TNRC6B: variants seen among roughly 807,000 people sequenced by gnomAD.
TNRC6B encodes the protein trinucleotide repeat containing adaptor 6B, also known as trinucleotide repeat-containing gene 6B protein.
TNRC6B carries 52 observed loss-of-function variants against 203.6 expected under a neutral mutation model. The observed-to-expected ratio is 0.26, with a 90% CI of 0.20 to 0.32. The LOEUF (loss-of-function observed/expected upper bound fraction) is 0.32. Among genes scored for constraint, TNRC6B ranks in the 10% least tolerant of loss-of-function variants. The pLI is 1.00. For synonymous variants in TNRC6B, 838 were observed against 845.7 expected, an observed-to-expected ratio of 0.99 and a Z score of 0.16; for missense variants, 1,923 against 2,286.2, an observed-to-expected ratio of 0.84 and a Z score of 3.24.
chr22:40,217,368 A>G lies in TNRC6B; in HGVS notation c.6-28647A>G, dbSNP rs564208739. ...GTGTAGCCCAGTTTCTTTTCCCATA[A>G]GTATGACCCCAAGCAAGTGAGTGGC... On this transcript the variant is annotated intron_variant, in intron 1 of 22. Transcript: ENST00000454349. 8.3e-4 allele frequency among the ~76,000 whole-genome samples: 126 copies of G among 152,272 alleles called. 1 individual carries two copies. Among genetic ancestry groups the G allele is most frequent in the African/African-American group, 2.8e-3 (116 of 41,536 alleles).
intron 4 of TNRC6B, among the ~76,000 whole-genome samples, chr22:40,162,058 T>C (rs901659751): frequency 2.6e-5 from 4 of 152,178 alleles, no homozygotes; most frequent in Admixed American, 6.6e-5. Flanking sequence ...TCTAAAGGTT[T>C]GTGGGAAGAT....
In TNRC6B at chr22:40,321,242, T is replaced by C. The variant is rs150142274; in HGVS notation, c.5114+13T>C. 6 of 1,612,708 alleles carry C rather than the reference T, an allele frequency of 3.7e-6. No homozygotes were observed. Among genetic ancestry groups the C allele is most frequent in the Non-Finnish European group, 5.1e-6 (6 of 1,179,282 alleles). On this transcript the variant is annotated intron_variant, in intron 22 of 22. Coordinates refer to ENST00000454349, the MANE Select transcript of TNRC6B (RefSeq NM_001162501.2). The stretch of plus-strand genomic sequence containing the variant: ...CTGCACTGCACATGTGAGTATTCGG[T>C]CCTACACCCACGTAGACAAACATGC...
At position 40,315,413 on chromosome 22, in the gene TNRC6B, T is replaced by C; in HGVS notation, c.4809T>C (p.Pro1603=). 1.9e-6 allele frequency: 3 copies of C among 1,613,948 alleles called. No individual in the cohort carries two copies. The highest frequency in any genetic ancestry group is 2.5e-6 in the Non-Finnish European group (3 of 1,179,870). The change falls in exon 20 of 23, where the codon CCT becomes CCC. Residue 1603 remains proline (P), a synonymous_variant. Transcript: ENST00000454349. ...CTACACCGCTGCCCCGCCCACCTCC[T>C]GGTCTGACCAACCCCAAACCATCAT... The part of the protein sequence containing the change: ...RNTTPLPRPP[P]GLTNPKPSSP...
At chr22:40,054,473 A>C (rs531037817) in intron 1 of TNRC6B, among the ~76,000 whole-genome samples, 1 of 152,246 alleles carries the variant, frequency 6.6e-6, no homozygotes, top group East Asian at 1.9e-4. Context: ...ACCTTAGTTA[A>C]TGCCTCTTCA....
intron 2 of TNRC6B, among the ~76,000 whole-genome samples, chr22:40,122,724 G>A (rs1397638184): frequency 1.3e-5 from 2 of 152,158 alleles, no homozygotes; most frequent in African/African-American, 4.8e-5. Context: ...GAGATCACTG[G>A]GGATCGGACC....
At chr22:40,260,108 T>A (rs1477821063) in intron 3 of TNRC6B, among the ~76,000 whole-genome samples, 1 of 152,168 alleles carries the variant, frequency 6.6e-6, no homozygotes, top group Non-Finnish European at 1.5e-5. Flanking sequence ...GGGCCATTTT[T>A]AAAATTAAGT....
chr22:40,262,116 C>A lies in TNRC6B; in HGVS notation c.400C>A (p.Pro134Thr). The A allele has an allele frequency of 6.6e-7, 1 of 1,510,220 alleles. No individual in the cohort carries two copies. The allele number at this position is 1,510,220 out of a possible 1,614,324, so 93.6% of individuals were successfully genotyped here. A position where few individuals can be genotyped will look rare whatever the true frequency, so the allele number is the denominator to read the frequency against. The change falls in exon 4 of 23, where the codon CCA (proline) becomes ACA (threonine). Residue 134 changes from proline (P) to threonine (T), a missense_variant. Pro to Thr is a conservative substitution (Grantham distance 38). Transcript: ENST00000454349. The stretch of plus-strand genomic sequence containing the variant: ...TCCCTGCACAGCACCTGGAGCAAAC[C>A]CAAACAACGCACAAGTGACAGGAGC... ...PPPCTAPGAN[P>T]NNAQVTGALL...
Position 40,265,553 on chromosome 22 carries a change from C to G in TNRC6B, c.1323C>G (p.Ser441Arg). ...GAACTGACACAGTCTCTGGACAAAGCAATTCTGGAAACAATGGGAACAATG... is the reference window on the plus strand; with the variant it reads ...GAACTGACACAGTCTCTGGACAAAGGAATTCTGGAAACAATGGGAACAATG... The part of the protein sequence containing the change: ...PSGTDTVSGQ[S>R]NSGNNGNNGK... The change falls in exon 5 of 23, where the codon AGC becomes AGG. Residue 441 changes from serine (S) to arginine (R), a missense_variant. Coordinates refer to ENST00000454349, the MANE Select transcript of TNRC6B (RefSeq NM_001162501.2). 3 of 1,613,812 alleles carry G rather than the reference C, an allele frequency of 1.9e-6. No homozygotes were observed. The highest frequency in any genetic ancestry group is 2.5e-6 in the Non-Finnish European group (3 of 1,179,840).
chr22:40,204,773 C>G (rs1285375234), intron 1 of TNRC6B, among the ~76,000 whole-genome samples: 3 of 152,200 alleles, frequency 2.0e-5, no homozygotes, highest in Non-Finnish European at 4.4e-5. Context: ...ATTGTTCTGT[C>G]TCTGCTGCTG....
chr22:40,076,576 CT>C (rs924948596), intron 1 of TNRC6B, among the ~76,000 whole-genome samples: 5 of 152,128 alleles, frequency 3.3e-5, no homozygotes, highest in African/African-American at 1.2e-4. Flanking sequence ...TGTATTGTTT[CT>C]TTCTTTTGTA....
chr22:40,299,541 A>G (rs1175857992), intron 12 of TNRC6B, among the ~76,000 whole-genome samples: 2 of 152,076 alleles, frequency 1.3e-5, no homozygotes, highest in African/African-American at 2.4e-5. Flanking sequence ...ACCCAGCTCT[A>G]AAGTCTTTTT....
At chr22:40,134,920 G>A (rs1481805217) in intron 3 of TNRC6B, among the ~76,000 whole-genome samples, 1 of 152,164 alleles carries the variant, frequency 6.6e-6, no homozygotes, top group East Asian at 1.9e-4. Context: ...ATAATTCTGT[G>A]TTTTCCTGGG....
intron 1 of TNRC6B, among the ~76,000 whole-genome samples, chr22:40,109,537 TAGTG>T (rs2068315189): frequency 6.6e-6 from 1 of 152,238 alleles, no homozygotes; most frequent in Non-Finnish European, 1.5e-5. Context: ...TGATCAGTGA[TAGTG>T]AGCTTTTTTA....
chr22:40,187,559 T>G (rs1331097491), intron 1 of TNRC6B, among the ~76,000 whole-genome samples: 1 of 152,118 alleles, frequency 6.6e-6, no homozygotes, highest in Non-Finnish European at 1.5e-5. Flanking sequence ...TGTGAGTTTC[T>G]TTTGCACTCC....
At chr22:40,208,133 CAAAAAAACAAG>C (rs2069510748) in intron 1 of TNRC6B, among the ~76,000 whole-genome samples, 1 of 108,968 alleles carries the variant, frequency 9.2e-6, no homozygotes, top group Non-Finnish European at 2.1e-5. Context: ...AAAAAAAAAA[CAAAAAAACAAG>C]AAAAAAACAA....
chr22:40,084,188 G>C (rs890743910), intron 1 of TNRC6B, among the ~76,000 whole-genome samples: 1 of 152,166 alleles, frequency 6.6e-6, no homozygotes, highest in Non-Finnish European at 1.5e-5. Context: ...AAGCTAAAGA[G>C]AAAAATTAAG....
At chr22:40,103,055 G>C (rs1448187439) in intron 1 of TNRC6B, among the ~76,000 whole-genome samples, 1 of 151,468 alleles carries the variant, frequency 6.6e-6, no homozygotes. Context: ...CCAGCCTGGG[G>C]ACAGAGTGAG....
chr22:40,285,577 C>T, intron 11 of TNRC6B, 68 bp from the exon 12 acceptor site: 2 of 1,555,480 alleles, frequency 1.3e-6, no homozygotes. Flanking sequence ...TCTAAAAGAC[C>T]AGAACTGTTT....
At position 40,266,942 on chromosome 22, in the gene TNRC6B, CAAG is replaced by C; in HGVS notation, c.2715_2717del (p.Lys905del). ...GGGGAGACCCTAACAGTTATAACTACAAGAATGTGAATCTGTGGGATAAGAATT... is the reference window on the plus strand; with the variant it reads ...GGGGAGACCCTAACAGTTATAACTACAATGTGAATCTGTGGGATAAGAATT... On this transcript the variant is annotated inframe_deletion, in exon 5 of 23. Coordinates refer to ENST00000454349, the MANE Select transcript of TNRC6B (RefSeq NM_001162501.2). 1 of 1,613,808 alleles carries C rather than the reference CAAG, an allele frequency of 6.2e-7. No individual in the cohort carries two copies. The highest frequency in any genetic ancestry group is 8.5e-7 in the Non-Finnish European group (1 of 1,179,828).
Sources: gnomAD v4.1 joint callset for allele counts (sites outside exome capture counted in the v4.1 genomes callset) on GRCh38, gnomAD v4.1.1 for gene constraint, MANE v1.5 for transcripts, NCBI Gene and HGNC (gene_info 2026-07-23, HGNC 2026-07-21) for gene names.